The following DONSON variants were observed in gnomAD, a reference collection of about 807,000 sequenced individuals.
DONSON encodes the protein DNA replication fork stabilization factor DONSON, also known as protein downstream neighbor of Son.
Under a neutral mutation model 62.1 loss-of-function variants are expected in DONSON, and 43 were observed. The observed-to-expected ratio is 0.69, with a 90% CI of 0.54 to 0.89. DONSON has a LOEUF of 0.89. Among genes scored for constraint, DONSON ranks in the 40% least tolerant of loss-of-function variants. The pLI is 0.00. For missense variants in DONSON, 696 were observed against 697.5 expected (o/e 1.00, Z 0.03); for synonymous variants, 266 against 264.6 (o/e 1.01, Z -0.05).
At chr21:33,579,236 T>C in intron 9 of DONSON, 114 bp downstream of exon 9, 2 of 713,098 alleles carry the variant, frequency 2.8e-6, no homozygotes, top group Non-Finnish European at 2.2e-6. Flanking sequence ...CATAATTAAG[T>C]AACAGTTTAA....
At chr21:33,580,327 G>A (rs1028262191) in intron 8 of DONSON, among the ~76,000 whole-genome samples, 23 of 149,698 alleles carry the variant, frequency 1.5e-4, no homozygotes, top group South Asian at 8.6e-4. Context: ...GGGAGGCCGA[G>A]GGCAGATCAT....
At position 33,586,122 on chromosome 21, in the gene DONSON, A is replaced by G; in HGVS notation, c.462T>C (p.Pro154=). ...GTCGCGTTTTAATACTCCAGTCCACAGGTAACTCAGTACTTTTTGAGGACG... is the reference window on the plus strand; with the variant it reads ...GTCGCGTTTTAATACTCCAGTCCACGGGTAACTCAGTACTTTTTGAGGACG... ...DIPSSKSTEL[P]VDWSIKTRLL... is the part of the protein sequence containing the mutation. The change falls in exon 3 of 10, where the codon CCT becomes CCC. Residue 154 remains proline, a synonymous_variant. Coordinates refer to ENST00000303071, the MANE Select transcript of DONSON (RefSeq NM_017613.4). 1 of 1,614,188 alleles carries G rather than the reference A, an allele frequency of 6.2e-7. No homozygotes were observed. The highest frequency in any genetic ancestry group is 8.5e-7 in the Non-Finnish European group (1 of 1,180,018).
intron 5 of DONSON, among the ~76,000 whole-genome samples, chr21:33,583,199 T>TAAAAAAAAAAAAAAA (rs2086534551): frequency 6.4e-5 from 1 of 15,624 alleles, no homozygotes; most frequent in Admixed American, 9.1e-4. Flanking sequence ...AGTCTCCATC[T>TAAAAAAAAAAAAAAA]CAAAAAAAAA....
chr21:33,579,317 A>G (rs768461282), intron 9 of DONSON, 33 bp downstream of exon 9: 1 of 1,468,396 alleles, frequency 6.8e-7, no homozygotes, highest in South Asian at 1.5e-5. Context: ...GGAAACTACA[A>G]CTAAAACAGT....
rs780513295 is a variant in DONSON at position 33,582,258 on chromosome 21, AC to A, written c.965-13del. The stretch of plus-strand genomic sequence containing the variant: ...AGAAAATTCAATACCTATATGAGGA[AC>A]AAAAATGTAACTGAGTTGTCATTTA... On this transcript the variant is annotated splice_polypyrimidine_tract_variant and intron_variant, in intron 5 of 9. Transcript: ENST00000303071. The A allele has an allele frequency of 1.3e-6, 2 of 1,596,168 alleles. No individual in the cohort carries two copies. Among genetic ancestry groups the A allele is most frequent in the Non-Finnish European group, 1.7e-6 (2 of 1,164,890 alleles).
rs754966762 is a variant in DONSON at position 33,579,463 on chromosome 21, G to A, written c.1450C>T (p.Leu484=). The A allele has an allele frequency of 6.2e-7, 1 of 1,614,206 alleles. No individual in the cohort carries two copies. The highest frequency in any genetic ancestry group is 8.5e-7 in the Non-Finnish European group (1 of 1,180,024). Residue 484 remains leucine, a synonymous_variant, in exon 9 of 10, where the codon CTG becomes TTG. Transcript: ENST00000303071. ...GPIMPHSLHS[L]TMLLKSSQSG... is the part of the protein sequence containing the mutation. ...TGTGAAGATTTGAGCAGCATGGTCA[G>A]TGAATGCAGAGAATGAGGCATGATA... is the stretch of plus-strand genomic sequence containing the variant.
In DONSON at chr21:33,586,075, G is replaced by T. The variant is rs1469502289; in HGVS notation, c.509C>A (p.Pro170His). The T allele has an allele frequency of 2.9e-5, 47 of 1,614,034 alleles. No homozygotes were observed. Among genetic ancestry groups the T allele is most frequent in the Non-Finnish European group, 3.9e-5 (46 of 1,180,038 alleles). ...TTTCAAATGATCTGCCCAGGTAAAG[G>T]GTTGAGAAGAGGTGAAAAGGAGTCG... Reference protein sequence around the residue: ...KTRLLFTSSQPFTWADHLKAQ... With the variant: ...KTRLLFTSSQHFTWADHLKAQ... Residue 170 changes from proline to histidine, a missense_variant, in exon 3 of 10, where the codon CCC (proline) becomes CAC (histidine). Coordinates refer to ENST00000303071, the MANE Select transcript of DONSON (RefSeq NM_017613.4).
chr21:33,581,172 T>C, intron 8 of DONSON, 130 bp downstream of exon 8: 3 of 828,276 alleles, frequency 3.6e-6, no homozygotes, highest in Non-Finnish European at 5.5e-6. Context: ...TGTTTCTTTT[T>C]TTAATGGGAG....
In DONSON at chr21:33,581,934, A is replaced by G. The variant is rs762883771; in HGVS notation, c.1151+17T>C. On this transcript the variant is annotated intron_variant, in intron 7 of 9. Transcript: ENST00000303071. Reference sequence around the variant, plus strand: ...TCAATGAAAATTAATTCTAGTTAACAACAACTGAAAGGATACAGCTTGATA... The same window carrying G: ...TCAATGAAAATTAATTCTAGTTAACGACAACTGAAAGGATACAGCTTGATA... 3.1e-6 allele frequency: 5 copies of G among 1,608,652 alleles called. No individual in the cohort carries two copies. The South Asian group carries it at 5.5e-5, about 18-fold the overall frequency.
rs2086519696 is a variant in DONSON, at chr21:33,582,178, A to T, written c.1033T>A (p.Leu345Met). The part of the protein sequence containing the change: ...HKKETASGTS[L>M]GYGEEQAISD... Reference sequence around the variant, plus strand: ...TTAATCACATACTCCCCATATCCCAAGCTTGTTCCAGATGCTGTCTCCTTC... The same window carrying T: ...TTAATCACATACTCCCCATATCCCATGCTTGTTCCAGATGCTGTCTCCTTC... The change falls in exon 6 of 10, where the codon TTG becomes ATG. Residue 345 changes from leucine to methionine, a missense_variant. Transcript: ENST00000303071. 1 of 1,613,940 alleles carries T rather than the reference A, an allele frequency of 6.2e-7. No homozygotes were observed. The highest frequency in any genetic ancestry group is 1.1e-5 in the South Asian group (1 of 91,086).
Position 33,588,310 on chromosome 21 carries a change from A to G in DONSON, c.321+11T>C. ...AAGAGCCCCTTGGCGGCCAGGCTAC[A>G]AGACACTCACCGGGACCGGGGCCTC... On this transcript the variant is annotated intron_variant, in intron 1 of 9. Transcript: ENST00000303071. The G allele has an allele frequency of 1.6e-6, 2 of 1,276,220 alleles. No individual in the cohort carries two copies. The highest frequency in any genetic ancestry group is 6.3e-5 in the South Asian group (2 of 31,694). The allele number at this position is 1,276,220 out of a possible 1,614,324, so 79.1% of individuals were successfully genotyped here.
chr21:33,581,592 C>T, intron 7 of DONSON, 92 bp from the exon 8 acceptor site: 2 of 1,030,196 alleles, frequency 1.9e-6, no homozygotes, highest in Non-Finnish European at 2.8e-6. Context: ...GACTCCTTTT[C>T]TCCATAATGA....
chr21:33,585,877 A>G (rs1266634796), intron 3 of DONSON, 101 bp downstream of exon 3: 9 of 1,160,962 alleles, frequency 7.8e-6, no homozygotes, highest in Middle Eastern at 5.3e-4. Context: ...TAAATTTCCA[A>G]AGAAAAACTT....
intron 5 of DONSON, among the ~76,000 whole-genome samples, chr21:33,583,197 T>C (rs1218695362): frequency 8.1e-5 from 2 of 24,760 alleles, no homozygotes; most frequent in African/African-American, 3.6e-4. Flanking sequence ...CGAGTCTCCA[T>C]CTCAAAAAAA....
At chr21:33,578,681 C>T (rs1180308593) in intron 9 of DONSON, among the ~76,000 whole-genome samples, 3 of 152,116 alleles carry the variant, frequency 2.0e-5, no homozygotes, top group Non-Finnish European at 4.4e-5. Flanking sequence ...ACTCTAAAAA[C>T]CTTAAGTATG....
intron 5 of DONSON, among the ~76,000 whole-genome samples, chr21:33,583,228 A>AAAAAAAAAAAAAAAAAAAAAAAAAT (rs2086536883): frequency 7.0e-6 from 1 of 142,044 alleles, no homozygotes; most frequent in South Asian, 2.2e-4. Context: ...AAAAAAAAGA[A>AAAAAAAAAAAAAAAAAAAAAAAAAT]TGATCATCTG....
At chr21:33,578,491 A>T (rs1184887202) in intron 9 of DONSON, 47 bp from the exon 10 acceptor site, 3 of 1,552,346 alleles carry the variant, frequency 1.9e-6, no homozygotes, top group Non-Finnish European at 8.7e-7. Flanking sequence ...TTAGTCTTTA[A>T]ACACAGAAGA....
At chr21:33,581,071 A>C in intron 8 of DONSON, 1 of 400,266 alleles carries the variant, frequency 2.5e-6, no homozygotes, top group Non-Finnish European at 4.6e-6. Context: ...TAGCAGCGCA[A>C]GACTCCATCT....
At chr21:33,578,896 G>T (rs948800622) in intron 9 of DONSON, among the ~76,000 whole-genome samples, 3 of 152,164 alleles carry the variant, frequency 2.0e-5, no homozygotes, top group African/African-American at 7.2e-5. Context: ...CAACATTTTG[G>T]GAGGCCAAGG....
Sources: gnomAD v4.1 joint callset for allele counts (sites outside exome capture counted in the v4.1 genomes callset) on GRCh38, gnomAD v4.1.1 for gene constraint, MANE v1.5 for transcripts, NCBI Gene and HGNC (gene_info 2026-07-23, HGNC 2026-07-21) for gene names.